ADARB2: variants seen among roughly 807,000 people sequenced by gnomAD.
ADARB2 encodes the protein inactive double-stranded RNA-specific editase B2.
ADARB2 carries 25 observed loss-of-function variants against 62.2 expected under a neutral mutation model. The ratio of observed to expected loss-of-function variants is 0.40; its 90% confidence interval spans 0.29 to 0.56. ADARB2 has a LOEUF of 0.56. ADARB2 is among the 20% of genes least tolerant of loss of function. The pLI is 0.43. For missense variants in ADARB2, 1,071 were observed against 1,077.4 expected, an observed-to-expected ratio of 0.99 and a Z score of 0.08; for synonymous variants, 572 against 500.8, an observed-to-expected ratio of 1.14 and a Z score of -1.90.
intron 1 of ADARB2, among the ~76,000 whole-genome samples, chr10:1,466,245 G>T (rs577143775): frequency 1.4e-3 from 220 of 152,368 alleles, no homozygotes; most frequent in African/African-American, 5.1e-3. Flanking sequence ...TGGCCCTGTT[G>T]TTTCCTGGAC....
At chr10:1,348,429 T>G (rs892791898) in intron 3 of ADARB2, among the ~76,000 whole-genome samples, 1 of 152,122 alleles carries the variant, frequency 6.6e-6, no homozygotes, top group Admixed American at 6.5e-5. Flanking sequence ...GCCTGAGCCC[T>G]GGAGCCTGTG....
intron 1 of ADARB2, among the ~76,000 whole-genome samples, chr10:1,525,461 AT>A (rs1483820362): frequency 8.5e-5 from 13 of 152,086 alleles, no homozygotes; most frequent in Non-Finnish European, 1.6e-4. Context: ...AAACATTGGT[AT>A]CTCTGTTTCT....
Position 1,461,893 on chromosome 10 carries a change from C to T in ADARB2, c.101-82733G>A, listed in dbSNP as rs190457895. ...GGCATGCACCTGTGATTTCAGCTAC[C>T]GGGGAGGCTGAGGCAGGAGAATCGC... On this transcript the variant is annotated intron_variant, in intron 1 of 9. Coordinates refer to ENST00000381312, the MANE Select transcript of ADARB2 (RefSeq NM_018702.4). 1.1e-3 allele frequency among the ~76,000 whole-genome samples: 173 copies of T among 152,074 alleles called. 3 individuals carry two copies. In the East Asian group the frequency reaches 0.028, roughly 25 times the overall value.
At chr10:1,516,232 C>T (rs72764947) in intron 1 of ADARB2, among the ~76,000 whole-genome samples, 1 of 152,278 alleles carries the variant, frequency 6.6e-6, no homozygotes, top group Non-Finnish European at 1.5e-5. Flanking sequence ...TACCCTTACC[C>T]CAAATAAACC....
intron 3 of ADARB2, among the ~76,000 whole-genome samples, chr10:1,359,388 A>G (rs1832227998): frequency 6.6e-6 from 1 of 152,202 alleles, no homozygotes; most frequent in Non-Finnish European, 1.5e-5. Context: ...CATGAAGCTG[A>G]TGGGTTAGAT....
rs776259989 is a variant in ADARB2, at chr10:1,562,497, CG to C, written c.100+174553del. On this transcript the variant is annotated intron_variant, in intron 1 of 9. Transcript: ENST00000381312. Reference sequence around the variant, plus strand: ...CAAAATCTAGCCTGTCAGGTATATGCGGTGCAGTCATGAGCTGTCTCCCTGG... The same window carrying C: ...CAAAATCTAGCCTGTCAGGTATATGCGTGCAGTCATGAGCTGTCTCCCTGG... 3.3e-5 allele frequency among the ~76,000 whole-genome samples: 5 copies of C among 152,310 alleles called. No homozygotes were observed. In the South Asian group the frequency reaches 6.2e-4, roughly 19 times the overall value.
chr10:1,205,274 C>T (rs1196630331), intron 7 of ADARB2, among the ~76,000 whole-genome samples: 2 of 83,116 alleles, frequency 2.4e-5, no homozygotes, highest in Non-Finnish European at 7.1e-5. Context: ...GTTTTAGGGC[C>T]ACCTAAAACA....
intron 1 of ADARB2, among the ~76,000 whole-genome samples, chr10:1,551,618 T>G (rs901647713): frequency 6.6e-6 from 1 of 152,226 alleles, no homozygotes; most frequent in African/African-American, 2.4e-5. Context: ...AAAATAATTT[T>G]AAGGTCTTTC....
chr10:1,533,822 C>A (rs1222067462), intron 1 of ADARB2, among the ~76,000 whole-genome samples: 1 of 152,142 alleles, frequency 6.6e-6, no homozygotes, highest in African/African-American at 2.4e-5. Context: ...ACCCACCCTC[C>A]CCCTCTGTCA....
chr10:1,363,431 T>C lies in ADARB2; in HGVS notation c.674A>G (p.Gln225Arg). 7.2e-7 allele frequency: 1 copy of C among 1,397,480 alleles called. No homozygotes were observed. The highest frequency in any genetic ancestry group is 9.3e-7 in the Non-Finnish European group (1 of 1,075,842). 86.6% of individuals were successfully genotyped at this position (1,397,480 alleles called of 1,614,324 possible). ...GCGCGGCGCCGGGGGCTCGAACTCC[T>C]GGAAGAGCGTGTCGGGGAAATCGGC... ...DQADFPDTLF[Q>R]EFEPPAPRPG... Residue 225 changes from glutamine to arginine, a missense_variant, in exon 3 of 10, where the codon CAG becomes CGG. By Grantham distance (43) the Gln-to-Arg change is conservative (BLOSUM62 1). Transcript: ENST00000381312.
Position 1,200,020 on chromosome 10 carries a change from C to G in ADARB2, c.1810G>C (p.Glu604Gln). ...GAGGCGGGCAGCTGGCCGACACCCT[C>G]CATGCGGTGGCTCATGACGCGTGCG... The part of the protein sequence containing the change: ...HLARVMSHRM[E>Q]GVGQLPASYR... Residue 604 changes from glutamate (E) to glutamine (Q), a missense_variant, in exon 8 of 10, where the codon GAG becomes CAG. Transcript: ENST00000381312. The G allele has an allele frequency of 6.3e-7, 1 of 1,589,678 alleles. No homozygotes were observed. Among genetic ancestry groups the G allele is most frequent in the East Asian group, 2.3e-5 (1 of 44,388 alleles).
At chr10:1,576,111 AG>A (rs1374564738) in intron 1 of ADARB2, among the ~76,000 whole-genome samples, 1 of 20,918 alleles carries the variant, frequency 4.8e-5, no homozygotes, top group Non-Finnish European at 8.8e-5. Flanking sequence ...GGGGGCTCAG[AG>A]TCACAGGAGG....
rs1834216614 is a variant in ADARB2 at position 1,659,490 on chromosome 10, C to G, written c.100+77561G>C. 3.3e-5 allele frequency among the ~76,000 whole-genome samples: 5 copies of G among 152,366 alleles called. No individual in the cohort carries two copies. In the Middle Eastern group the frequency reaches 0.014, roughly 415 times the overall value. ...ATTCAGACAGTGGGAGCGGGGTGAT[C>G]CCTCTTCCCTGGAAGGAGCCTGGAG... On this transcript the variant is annotated intron_variant, in intron 1 of 9. Coordinates refer to ENST00000381312, the MANE Select transcript of ADARB2 (RefSeq NM_018702.4).
At chr10:1,311,531 A>G (rs1394918720) in intron 3 of ADARB2, among the ~76,000 whole-genome samples, 2 of 152,176 alleles carry the variant, frequency 1.3e-5, no homozygotes. Flanking sequence ...TGCATCTTCC[A>G]TGTTCAGATA....
At chr10:1,264,797 G>A (rs1831178821) in intron 4 of ADARB2, among the ~76,000 whole-genome samples, 1 of 152,122 alleles carries the variant, frequency 6.6e-6, no homozygotes, top group African/African-American at 2.4e-5. Context: ...ACTCTACCAG[G>A]CTGTTTTCAA....
intron 1 of ADARB2, among the ~76,000 whole-genome samples, chr10:1,452,824 C>A (rs200949892): frequency 6.9e-6 from 1 of 144,398 alleles, no homozygotes; most frequent in Non-Finnish European, 1.5e-5. Flanking sequence ...TGAAAAAAAA[C>A]CTTTTGTATT....
chr10:1,722,811 C>G lies in ADARB2; in HGVS notation c.100+14240G>C, dbSNP rs118093062. The stretch of plus-strand genomic sequence containing the variant: ...AATGAAGACGTTTGCCTATCTGAAT[C>G]TAGTTCAACGACCTCTGCAGTTTCC... On this transcript the variant is annotated intron_variant, in intron 1 of 9. Coordinates refer to ENST00000381312, the MANE Select transcript of ADARB2 (RefSeq NM_018702.4). Among the ~76,000 whole-genome samples the G allele has an allele frequency of 2.3e-3, 344 of 152,280 alleles. 7 individuals carry two copies. In the East Asian group the frequency reaches 0.058, roughly 26 times the overall value.
chr10:1,271,056 G>T lies in ADARB2; in HGVS notation c.1091C>A (p.Ser364Tyr). ...CTTCTGTGTGACCAGCTGGGATATG[G>T]AGTCTGCGAATTCCTGAAAGACACA... ...RTPMPQEFAD[S>Y]ISQLVTQKFR... Residue 364 changes from serine (S) to tyrosine (Y), a missense_variant, in exon 4 of 10, where the codon TCC (serine) becomes TAC (tyrosine). Ser to Tyr is a moderately radical substitution (Grantham distance 144, BLOSUM62 -2). Transcript: ENST00000381312. 6.2e-7 allele frequency: 1 copy of T among 1,614,016 alleles called. No homozygotes were observed. The highest frequency in any genetic ancestry group is 8.5e-7 in the Non-Finnish European group (1 of 1,179,968).
At chr10:1,681,340 T>A (rs1834534191) in intron 1 of ADARB2, among the ~76,000 whole-genome samples, 1 of 152,176 alleles carries the variant, frequency 6.6e-6, no homozygotes, top group African/African-American at 2.4e-5. Flanking sequence ...ACACATGTGG[T>A]ATGGTTCTTA....
Sources: allele counts gnomAD v4.1 joint callset (sites outside exome capture counted in the v4.1 genomes callset), GRCh38; gene constraint gnomAD v4.1.1; transcripts MANE v1.5; gene names NCBI Gene and HGNC (gene_info 2026-07-23, HGNC 2026-07-21).